Variants in CCL17 observed in about 807,000 individuals in gnomAD.
CCL17 encodes the protein C-C motif chemokine 17.
CCL17 carries 8 observed loss-of-function variants against 7.4 expected under a neutral mutation model. The observed-to-expected ratio is 1.09, with a 90% CI of 0.64 to 1.96. CCL17 has a LOEUF of 1.96. Ranked by LOEUF, CCL17 falls within the 30% of genes most tolerant of loss-of-function variation. The pLI, the probability that CCL17 is intolerant of heterozygous loss-of-function variation, is 0.00. For synonymous variants in CCL17, 40 were observed against 46.1 expected (o/e 0.87, Z 0.54); for missense variants, 102 against 113.0 (o/e 0.90, Z 0.44).
intron 1 of CCL17, among the ~76,000 whole-genome samples, chr16:57,411,777 T>C (rs2146539208): frequency 6.6e-6 from 1 of 152,336 alleles, no homozygotes; most frequent in Non-Finnish European, 1.5e-5. Context: ...AGGCTCTGTC[T>C]CCAGGTCAGG....
intron 1 of CCL17, among the ~76,000 whole-genome samples, chr16:57,410,354 T>G (rs1295700415): frequency 6.6e-6 from 1 of 152,110 alleles, no homozygotes; most frequent in Admixed American, 6.6e-5. Flanking sequence ...CCTGGCCACT[T>G]TAGTCAGAGG....
At chr16:57,406,759 A>T (rs990191854) in intron 1 of CCL17, among the ~76,000 whole-genome samples, 2 of 152,150 alleles carry the variant, frequency 1.3e-5, no homozygotes, top group Non-Finnish European at 2.9e-5. Flanking sequence ...ACCATGAGGG[A>T]GTGTCTTATC....
chr16:57,404,223 C>A (rs1419214195), upstream of CCL17, among the ~76,000 whole-genome samples: 1 of 152,100 alleles, frequency 6.6e-6, no homozygotes, highest in African/African-American at 2.4e-5. Flanking sequence ...AGGTGGAGAG[C>A]CACGGGGACG....
upstream of CCL17, among the ~76,000 whole-genome samples, chr16:57,400,402 G>T (rs181486335): frequency 6.6e-6 from 1 of 151,482 alleles, no homozygotes; most frequent in East Asian, 1.9e-4. Flanking sequence ...GAACTAGACA[G>T]GGGCAATGAA....
At chr16:57,411,310 C>A (rs1389064602) in intron 1 of CCL17, among the ~76,000 whole-genome samples, 1 of 152,210 alleles carries the variant, frequency 6.6e-6, no homozygotes, top group African/African-American at 2.4e-5. Flanking sequence ...GCCCTGGGCA[C>A]AGCCCCCAGA....
intron 1 of CCL17, among the ~76,000 whole-genome samples, chr16:57,411,704 C>T (rs1287987485): frequency 1.3e-5 from 2 of 152,130 alleles, no homozygotes; most frequent in Admixed American, 6.5e-5. Context: ...GAGGGGTGGT[C>T]GGCGGAGGCG....
At chr16:57,410,429 C>G (rs1349703765) in intron 1 of CCL17, among the ~76,000 whole-genome samples, 1 of 152,172 alleles carries the variant, frequency 6.6e-6, no homozygotes, top group African/African-American at 2.4e-5. Flanking sequence ...TCACACTCTC[C>G]TAATAGGCCT....
At chr16:57,408,693 C>G (rs999232434) in intron 1 of CCL17, among the ~76,000 whole-genome samples, 1 of 151,952 alleles carries the variant, frequency 6.6e-6, no homozygotes. Flanking sequence ...CTCAGCCTCC[C>G]GAGCAGCTGG....
intron 1 of CCL17, among the ~76,000 whole-genome samples, chr16:57,405,908 G>T (rs1902688355): frequency 6.6e-6 from 1 of 151,938 alleles, no homozygotes; most frequent in Non-Finnish European, 1.5e-5. Context: ...CGGGCATGGT[G>T]GCGGGCGCCT....
intron 1 of CCL17, among the ~76,000 whole-genome samples, chr16:57,411,508 G>A (rs1376206369): frequency 6.6e-6 from 1 of 152,242 alleles, no homozygotes; most frequent in Non-Finnish European, 1.5e-5. Context: ...CCACCGGGGA[G>A]TTTCCCCAGT....
chr16:57,411,492 CAG>C (rs1313746284), intron 1 of CCL17, among the ~76,000 whole-genome samples: 2 of 152,232 alleles, frequency 1.3e-5, no homozygotes, highest in Non-Finnish European at 1.5e-5. Context: ...GAAGAGGACT[CAG>C]AACCCACCGG....
chr16:57,410,761 C>T (rs1237120382), intron 1 of CCL17, among the ~76,000 whole-genome samples: 2 of 152,208 alleles, frequency 1.3e-5, no homozygotes, highest in Non-Finnish European at 2.9e-5. Flanking sequence ...CCCTGGTCCC[C>T]GCTGCCTCCC....
intron 1 of CCL17, among the ~76,000 whole-genome samples, chr16:57,407,510 A>G (rs1902713724): frequency 6.6e-6 from 1 of 152,210 alleles, no homozygotes; most frequent in South Asian, 2.1e-4. Context: ...GTTGTAGTTC[A>G]GAATCTCTAA....
intron 1 of CCL17, among the ~76,000 whole-genome samples, chr16:57,413,275 G>A (rs1253512877): frequency 6.6e-6 from 1 of 152,222 alleles, no homozygotes; most frequent in African/African-American, 2.4e-5. Context: ...GCTGCTCTGT[G>A]CCCTGGCTGG....
At chr16:57,401,305 T>C (rs1314433391), upstream of CCL17, among the ~76,000 whole-genome samples, 2 of 151,628 alleles carry the variant, frequency 1.3e-5, no homozygotes, top group African/African-American at 4.8e-5. Flanking sequence ...AGGAGGATCA[T>C]CTGAGGTCAG....
At chr16:57,405,233 G>A (rs1484985433) in intron 1 of CCL17, among the ~76,000 whole-genome samples, 11 of 152,206 alleles carry the variant, frequency 7.2e-5, no homozygotes, top group African/African-American at 2.7e-4. Flanking sequence ...TGCAGCTGAT[G>A]AGGGAGGTGT....
intron 1 of CCL17, among the ~76,000 whole-genome samples, chr16:57,412,719 G>A (rs1260807322): frequency 6.6e-6 from 1 of 152,048 alleles, no homozygotes; most frequent in African/African-American, 2.4e-5. Flanking sequence ...GCCCTGCCTG[G>A]AGCTGCCCTT....
At position 57,413,225 on chromosome 16, in the gene CCL17, C is replaced by T. The variant is rs557849704; in HGVS notation, c.-59-649C>T. Among the ~76,000 whole-genome samples, 10 of 152,358 alleles carry T rather than the reference C, an allele frequency of 6.6e-5. No individual in the cohort carries two copies. The East Asian group carries it at 1.5e-3, about 23-fold the overall frequency. ...CGAAGCACCGTTGGGCTCTTGCCTC[C>T]TGTGGTCAGGGCCTCACCTGGGATG... is the stretch of plus-strand genomic sequence containing the variant. On this transcript the variant is annotated intron_variant, in intron 1 of 3. Coordinates refer to ENST00000219244, the MANE Select transcript of CCL17 (RefSeq NM_002987.3).
At chr16:57,396,210 T>C in the CCL17 span, among the ~76,000 whole-genome samples, 8 of 152,170 alleles carry the variant, frequency 5.3e-5, no homozygotes, top group African/African-American at 1.9e-4. Flanking sequence ...GGTGCACTGA[T>C]AGGGTCTGAT....
Sources: gnomAD v4.1 joint callset for allele counts (sites outside exome capture counted in the v4.1 genomes callset) on GRCh38, gnomAD v4.1.1 for gene constraint, MANE v1.5 for transcripts, NCBI Gene and HGNC (gene_info 2026-07-23, HGNC 2026-07-21) for gene names.